ARL8B: variants seen among roughly 807,000 people sequenced by gnomAD.
ARL8B encodes the protein ARF like GTPase 8B.
A neutral mutation model predicts 30.6 loss-of-function variants in ARL8B; 9 were observed. The observed-to-expected ratio is 0.29, with a 90% CI of 0.18 to 0.51. The LOEUF (loss-of-function observed/expected upper bound fraction) is 0.51. Among genes scored for constraint, ARL8B ranks in the 20% least tolerant of loss-of-function variants. The pLI is 0.97. For missense variants in ARL8B, 130 were observed against 227.2 expected (o/e 0.57, Z 2.75); for synonymous variants, 74 against 76.0 (o/e 0.97, Z 0.14).
chr3:5,169,565 TTC>T (rs1491059835), intron 1 of ARL8B, among the ~76,000 whole-genome samples: 3 of 131,396 alleles, frequency 2.3e-5, no homozygotes, highest in Admixed American at 7.3e-5. Context: ...TCTGTTTTTT[TTC>T]TTTTCCTCTT....
intron 1 of ARL8B, among the ~76,000 whole-genome samples, chr3:5,140,486 T>C (rs1374060251): frequency 6.6e-6 from 1 of 152,130 alleles, no homozygotes; most frequent in Non-Finnish European, 1.5e-5. Flanking sequence ...ATTAAACCTC[T>C]TTCCTTTGTA....
intron 1 of ARL8B, among the ~76,000 whole-genome samples, chr3:5,164,422 T>A (rs1366676827): frequency 6.6e-6 from 1 of 152,218 alleles, no homozygotes; most frequent in Non-Finnish European, 1.5e-5. Flanking sequence ...ATTTGTTTTA[T>A]TTGGAAATTA....
chr3:5,172,523 CAT>C (rs1252468327), intron 3 of ARL8B, 122 bp from the exon 4 acceptor site: 1 of 710,660 alleles, frequency 1.4e-6, no homozygotes, highest in Admixed American at 2.9e-5. Context: ...TTTCTTATGA[CAT>C]AGTTTATTTT....
At chr3:5,178,604 T>C in intron 6 of ARL8B, 60 bp from the exon 7 acceptor site, 1 of 1,517,518 alleles carries the variant, frequency 6.6e-7, no homozygotes, top group Non-Finnish European at 9.0e-7. Context: ...TTAAATATTG[T>C]CTCTGTTTGA....
intron 1 of ARL8B, chr3:5,128,704 C>T (rs1418936936): frequency 1.4e-5 from 3 of 220,378 alleles, no homozygotes; most frequent in African/African-American, 2.4e-5. Context: ...ACAATACAGG[C>T]TCATTAGCGG....
At chr3:5,150,463 AAAATAAATAAAT>A (rs4054853) in intron 1 of ARL8B, among the ~76,000 whole-genome samples, 1 of 146,060 alleles carries the variant, frequency 6.8e-6, no homozygotes, top group South Asian at 2.2e-4. Context: ...AATCCATGTC[AAAATAAATAAAT>A]AAATAAATAA....
intron 1 of ARL8B, among the ~76,000 whole-genome samples, chr3:5,167,563 A>G (rs1054170821): frequency 1.2e-4 from 18 of 152,300 alleles, no homozygotes; most frequent in African/African-American, 4.3e-4. Context: ...TTCCCCCCCA[A>G]GTCAGATTAA....
chr3:5,143,456 C>G lies in ARL8B; in HGVS notation c.123+20868C>G, dbSNP rs1486028652. Among the ~76,000 whole-genome samples the G allele has an allele frequency of 2.0e-5, 3 of 152,208 alleles. No homozygotes were observed. In the East Asian group the frequency reaches 5.8e-4, roughly 29 times the overall value. Reference sequence around the variant, plus strand: ...AACGTGCAATCCACTTCTTCAGGATCAGTATCCCATCCTAGGGGAAATGGA... The same window carrying G: ...AACGTGCAATCCACTTCTTCAGGATGAGTATCCCATCCTAGGGGAAATGGA... On this transcript the variant is annotated intron_variant, in intron 1 of 6. Coordinates refer to ENST00000256496, the MANE Select transcript of ARL8B (RefSeq NM_018184.3).
At chr3:5,126,706 A>T (rs2054232565) in intron 1 of ARL8B, among the ~76,000 whole-genome samples, 1 of 152,180 alleles carries the variant, frequency 6.6e-6, no homozygotes, top group Non-Finnish European at 1.5e-5. Flanking sequence ...TGATATATGT[A>T]GTGTTCTCTT....
rs1403480891 is a variant in ARL8B at position 5,180,556 on chromosome 3, ATT to A, written c.*1844_*1845del. The A allele has an allele frequency of 2.0e-5, 3 of 152,678 alleles. No individual in the cohort carries two copies. Among genetic ancestry groups the A allele is most frequent in the Non-Finnish European group, 4.4e-5 (3 of 68,038 alleles). The allele number at this position is 152,678 out of a possible 1,614,324, so 9.5% of individuals were successfully genotyped here. A position where few individuals can be genotyped will look rare whatever the true frequency, so the allele number is the denominator to read the frequency against. ...CCTTAATGTGTTTGTGTGTCTATACATTGCTTTCCGCATTTCAAGACATCCAG... is the reference window on the plus strand; with the variant it reads ...CCTTAATGTGTTTGTGTGTCTATACAGCTTTCCGCATTTCAAGACATCCAG... On this transcript the variant is annotated 3_prime_UTR_variant, in exon 7 of 7. Coordinates refer to ENST00000256496, the MANE Select transcript of ARL8B (RefSeq NM_018184.3).
intron 1 of ARL8B, among the ~76,000 whole-genome samples, chr3:5,163,905 A>G (rs922121920): frequency 6.6e-6 from 1 of 152,186 alleles, no homozygotes; most frequent in African/African-American, 2.4e-5. Flanking sequence ...TAAAGGGAAT[A>G]TCATATTTGA....
At chr3:5,173,875 C>T (rs2054701072) in intron 4 of ARL8B, 142 bp from the exon 5 acceptor site, 1 of 715,644 alleles carries the variant, frequency 1.4e-6, no homozygotes, top group African/African-American at 1.8e-5. Context: ...ATGAATGAGA[C>T]AAGCCACCAG....
intron 5 of ARL8B, 88 bp downstream of exon 5, chr3:5,174,172 A>AT (rs1434323393): frequency 4.9e-5 from 63 of 1,273,704 alleles, no homozygotes; most frequent in Middle Eastern, 1.9e-4. Flanking sequence ...GATCATAGCC[A>AT]TTTTTTTTAG....
intron 1 of ARL8B, among the ~76,000 whole-genome samples, chr3:5,149,653 T>A (rs959616280): frequency 2.6e-5 from 4 of 152,214 alleles, no homozygotes; most frequent in Non-Finnish European, 2.9e-5. Flanking sequence ...GATTTCCCAA[T>A]AACGAAACTT....
chr3:5,123,025 C>T (rs1052218393), intron 1 of ARL8B, among the ~76,000 whole-genome samples: 1 of 152,166 alleles, frequency 6.6e-6, no homozygotes, highest in African/African-American at 2.4e-5. Flanking sequence ...CATTAAGAGC[C>T]TCTCTTAAGT....
At chr3:5,148,416 A>C (rs1404483383) in intron 1 of ARL8B, among the ~76,000 whole-genome samples, 1 of 152,090 alleles carries the variant, frequency 6.6e-6, no homozygotes, top group Admixed American at 6.6e-5. Flanking sequence ...TTGGATAAGG[A>C]TTTAAAGGAG....
At chr3:5,154,108 C>G (rs564758476) in intron 1 of ARL8B, among the ~76,000 whole-genome samples, 4 of 151,916 alleles carry the variant, frequency 2.6e-5, no homozygotes, top group Non-Finnish European at 5.9e-5. Context: ...ATGTGGATTT[C>G]TTTCTGCTTA....
At chr3:5,173,874 A>G (rs2054701053) in intron 4 of ARL8B, 143 bp from the exon 5 acceptor site, 1 of 714,098 alleles carries the variant, frequency 1.4e-6, no homozygotes, top group Non-Finnish European at 2.5e-6. Flanking sequence ...AATGAATGAG[A>G]CAAGCCACCA....
At chr3:5,170,459 A>G (rs756679540) in intron 1 of ARL8B, 44 bp from the exon 2 acceptor site, 4 of 1,378,112 alleles carry the variant, frequency 2.9e-6, no homozygotes, top group Non-Finnish European at 1.0e-6. Context: ...ATGCAGTGTC[A>G]TTATAAGTGA....
Sources: gnomAD v4.1 joint callset for allele counts (sites outside exome capture counted in the v4.1 genomes callset) on GRCh38, gnomAD v4.1.1 for gene constraint, MANE v1.5 for transcripts, NCBI Gene and HGNC (gene_info 2026-07-23, HGNC 2026-07-21) for gene names.